Variants in NKAIN2 observed in about 807,000 individuals in gnomAD.
The protein encoded by NKAIN2 is sodium/potassium transporting ATPase interacting 2, also known as sodium/potassium-transporting ATPase subunit beta-1-interacting protein 2.
NKAIN2 carries 14 observed loss-of-function variants against 32.6 expected under a neutral mutation model. That is an observed-to-expected ratio of 0.43 (90% CI 0.28 to 0.67). NKAIN2 has a LOEUF of 0.67. Among genes scored for constraint, NKAIN2 ranks in the 30% least tolerant of loss-of-function variants. The pLI is 0.17. For synonymous variants in NKAIN2, 80 were observed against 87.2 expected, an observed-to-expected ratio of 0.92 and a Z score of 0.46; for missense variants, 198 against 258.3, an observed-to-expected ratio of 0.77 and a Z score of 1.60.
intron 3 of NKAIN2, among the ~76,000 whole-genome samples, chr6:124,626,372 C>T (rs1273032317): frequency 6.6e-6 from 1 of 151,770 alleles, no homozygotes; most frequent in African/African-American, 2.4e-5. Flanking sequence ...CAAAATATGC[C>T]ATCAATGAAT....
At chr6:124,262,528 G>T (rs915447598) in intron 1 of NKAIN2, among the ~76,000 whole-genome samples, 8 of 152,132 alleles carry the variant, frequency 5.3e-5, no homozygotes, top group Non-Finnish European at 1.0e-4. Flanking sequence ...AGCTCTAGAG[G>T]TATAAAAGTA....
intron 3 of NKAIN2, among the ~76,000 whole-genome samples, chr6:124,497,799 T>G (rs1778119434): frequency 7.0e-6 from 1 of 142,502 alleles, no homozygotes; most frequent in African/African-American, 2.6e-5. Flanking sequence ...TTTCACAGTT[T>G]TAGATTTGTT....
At chr6:124,025,924 C>A (rs1260722970) in intron 1 of NKAIN2, among the ~76,000 whole-genome samples, 1 of 152,152 alleles carries the variant, frequency 6.6e-6, no homozygotes, top group Non-Finnish European at 1.5e-5. Context: ...TAAAGGAATT[C>A]TCTGACCTAC....
chr6:124,126,487 T>C (rs904791994), intron 1 of NKAIN2, among the ~76,000 whole-genome samples: 3 of 152,198 alleles, frequency 2.0e-5, no homozygotes, highest in Admixed American at 6.5e-5. Context: ...TAAACATCTA[T>C]CTGCAACTTA....
intron 1 of NKAIN2, among the ~76,000 whole-genome samples, chr6:124,034,828 C>A (rs933944164): frequency 6.6e-6 from 1 of 151,910 alleles, no homozygotes; most frequent in Non-Finnish European, 1.5e-5. Flanking sequence ...TGCTGTGAGA[C>A]TTTATCTCAT....
chr6:124,121,704 G>A (rs1398269719), intron 1 of NKAIN2: 1 of 189,542 alleles, frequency 5.3e-6, no homozygotes, highest in African/African-American at 2.3e-5. Context: ...CTAGGTAAAG[G>A]GCAAGGGTTG....
intron 1 of NKAIN2, among the ~76,000 whole-genome samples, chr6:124,222,720 C>A (rs1374657714): frequency 6.6e-6 from 1 of 152,058 alleles, no homozygotes; most frequent in Non-Finnish European, 1.5e-5. Context: ...TGGAAAGAGG[C>A]CACATAAGTA....
chr6:124,804,988 G>C (rs551539911), intron 5 of NKAIN2, among the ~76,000 whole-genome samples: 2 of 152,166 alleles, frequency 1.3e-5, no homozygotes, highest in Non-Finnish European at 2.9e-5. Context: ...CAAAGCAGCC[G>C]GGAAGCTCGA....
chr6:124,216,549 G>C (rs1403380800), intron 1 of NKAIN2, among the ~76,000 whole-genome samples: 1 of 152,100 alleles, frequency 6.6e-6, no homozygotes, highest in Non-Finnish European at 1.5e-5. Context: ...TCTTTTTGCT[G>C]TCTGTTTAGT....
intron 4 of NKAIN2, among the ~76,000 whole-genome samples, chr6:124,760,960 C>T (rs1167482821): frequency 6.6e-6 from 1 of 152,090 alleles, no homozygotes; most frequent in African/African-American, 2.4e-5. Flanking sequence ...TAGTAGGCAC[C>T]CAGCAAACAT....
intron 1 of NKAIN2, among the ~76,000 whole-genome samples, chr6:123,946,312 T>C (rs937033025): frequency 6.6e-6 from 1 of 152,204 alleles, no homozygotes; most frequent in Admixed American, 6.6e-5. Context: ...TTCTTAAATG[T>C]TGACTATATA....
chr6:123,979,219 A>G (rs1198810597), intron 1 of NKAIN2, among the ~76,000 whole-genome samples: 1 of 152,194 alleles, frequency 6.6e-6, no homozygotes, highest in Non-Finnish European at 1.5e-5. Flanking sequence ...ATTTTTAAAG[A>G]AATATTTTAA....
intron 3 of NKAIN2, among the ~76,000 whole-genome samples, chr6:124,474,697 A>C (rs114573744): frequency 6.6e-6 from 1 of 151,582 alleles, no homozygotes; most frequent in African/African-American, 2.4e-5. Context: ...GTCAGTAACT[A>C]TGCCTAAGCT....
At chr6:124,747,136 T>C (rs1423600235) in intron 4 of NKAIN2, among the ~76,000 whole-genome samples, 3 of 151,926 alleles carry the variant, frequency 2.0e-5, no homozygotes, top group Non-Finnish European at 2.9e-5. Flanking sequence ...TCTTTAATAA[T>C]AGCCCTGTAA....
chr6:124,330,785 G>A (rs536770992), intron 2 of NKAIN2, among the ~76,000 whole-genome samples: 57 of 152,264 alleles, frequency 3.7e-4, no homozygotes, highest in African/African-American at 1.3e-3. Flanking sequence ...TGAACGGCAG[G>A]CAAGAGAACA....
intron 3 of NKAIN2, among the ~76,000 whole-genome samples, chr6:124,488,395 T>A (rs764863770): frequency 9.2e-5 from 14 of 152,034 alleles, no homozygotes; most frequent in Non-Finnish European, 2.1e-4. Context: ...TCATATTATC[T>A]GCTCAGAACA....
intron 3 of NKAIN2, among the ~76,000 whole-genome samples, chr6:124,423,838 A>G (rs1233831937): frequency 1.3e-5 from 2 of 152,178 alleles, no homozygotes; most frequent in African/African-American, 4.8e-5. Flanking sequence ...TCTCTTTGAG[A>G]TACTGACTTC....
chr6:124,589,307 C>T (rs1781823475), intron 3 of NKAIN2, among the ~76,000 whole-genome samples: 1 of 152,126 alleles, frequency 6.6e-6, no homozygotes, highest in Non-Finnish European at 1.5e-5. Context: ...GTGAATTTTC[C>T]AGATAACTGA....
chr6:124,015,883 G>A (rs749496851), intron 1 of NKAIN2, among the ~76,000 whole-genome samples: 3 of 152,214 alleles, frequency 2.0e-5, no homozygotes, highest in East Asian at 3.9e-4. Context: ...TGCAGTGACC[G>A]GCACTGTGGA....
Sources: gnomAD v4.1 joint callset for allele counts (sites outside exome capture counted in the v4.1 genomes callset) on GRCh38, gnomAD v4.1.1 for gene constraint, MANE v1.5 for transcripts, NCBI Gene and HGNC (gene_info 2026-07-23, HGNC 2026-07-21) for gene names.